The following HHIPL1 variants were observed in gnomAD, a reference collection of about 807,000 sequenced individuals.
The protein encoded by HHIPL1 is HHIP like 1.
A neutral mutation model predicts 61.8 loss-of-function variants in HHIPL1; 43 were observed. The observed-to-expected ratio is 0.70, with a 90% CI of 0.55 to 0.90. HHIPL1 has a LOEUF of 0.90. Ranked by LOEUF, HHIPL1 falls within the 40% of genes least tolerant of loss-of-function variation. The pLI is 0.00. For missense variants in HHIPL1, 1,056 were observed against 1,157.7 expected (o/e 0.91, Z 1.28); for synonymous variants, 482 against 515.8 (o/e 0.93, Z 0.89).
chr14:99,643,996 C>A (rs1432776304), upstream of HHIPL1, among the ~76,000 whole-genome samples: 1 of 152,202 alleles, frequency 6.6e-6, no homozygotes, highest in Admixed American at 6.5e-5. Flanking sequence ...GCTTCTTAGC[C>A]TCTTTGGCTT....
At chr14:99,622,463 C>T in the HHIPL1 span, among the ~76,000 whole-genome samples, 1 of 152,258 alleles carries the variant, frequency 6.6e-6, no homozygotes, top group Non-Finnish European at 1.5e-5. Flanking sequence ...CAACTGTCAT[C>T]TGTCACATGG....
intron 6 of HHIPL1, among the ~76,000 whole-genome samples, chr14:99,664,643 A>G (rs1370429342): frequency 1.3e-5 from 2 of 152,146 alleles, no homozygotes; most frequent in African/African-American, 4.8e-5. Context: ...TGCTTCTCTA[A>G]TTGTTCCAAC....
the HHIPL1 span, among the ~76,000 whole-genome samples, chr14:99,636,933 G>C: frequency 6.9e-6 from 1 of 144,960 alleles, no homozygotes; most frequent in Admixed American, 7.2e-5. Flanking sequence ...TTGCACCACT[G>C]TACTCCAGCC....
At chr14:99,629,482 T>C in the HHIPL1 span, among the ~76,000 whole-genome samples, 1 of 149,930 alleles carries the variant, frequency 6.7e-6, no homozygotes, top group Non-Finnish European at 1.5e-5. Flanking sequence ...GGGACCCGTG[T>C]TCACTGAATT....
the HHIPL1 span, among the ~76,000 whole-genome samples, chr14:99,638,264 T>C: frequency 6.6e-6 from 1 of 151,954 alleles, no homozygotes; most frequent in South Asian, 2.1e-4. Context: ...CAGCTAAGAG[T>C]GGCGGAGGAG....
chr14:99,628,382 C>T, the HHIPL1 span, among the ~76,000 whole-genome samples: 1 of 152,074 alleles, frequency 6.6e-6, no homozygotes, highest in Non-Finnish European at 1.5e-5. Context: ...GAGTTCGAGA[C>T]CAGCCTGGCC....
chr14:99,665,642 C>CGTT (rs2056231797), intron 6 of HHIPL1, among the ~76,000 whole-genome samples: 1 of 152,166 alleles, frequency 6.6e-6, no homozygotes, highest in African/African-American at 2.4e-5. Flanking sequence ...ACTGTGTTGC[C>CGTT]TAGGCAGGTG....
chr14:99,624,540 G>A, the HHIPL1 span, among the ~76,000 whole-genome samples: 26 of 152,226 alleles, frequency 1.7e-4, no homozygotes, highest in East Asian at 4.4e-3. Context: ...CCTCTTCTCC[G>A]ACCTTGACAG....
chr14:99,620,505 G>A, the HHIPL1 span, among the ~76,000 whole-genome samples: 1,045 of 152,356 alleles, frequency 6.9e-3, 13 homozygotes, highest in African/African-American at 0.024. Flanking sequence ...TGAGGGGCAC[G>A]AGAAGAGGGG....
chr14:99,666,634 G>T (rs1052761661), intron 6 of HHIPL1, among the ~76,000 whole-genome samples: 4 of 152,208 alleles, frequency 2.6e-5, no homozygotes, highest in African/African-American at 9.6e-5. Context: ...AGGAGACCAG[G>T]GCTGCTCCTG....
Position 99,645,402 on chromosome 14 carries a change from C to A in HHIPL1, c.195C>A (p.Ser65Arg). The A allele has an allele frequency of 7.1e-7, 1 of 1,412,736 alleles. No individual in the cohort carries two copies. Among genetic ancestry groups the A allele is most frequent in the Non-Finnish European group, 9.2e-7 (1 of 1,085,928 alleles). The allele number at this position is 1,412,736 out of a possible 1,614,324, so 87.5% of individuals were successfully genotyped here. A position where few individuals can be genotyped will look rare whatever the true frequency, so the allele number is the denominator to read the frequency against. Residue 65 changes from serine (S) to arginine (R), a missense_variant, in exon 1 of 9, where the codon AGC (serine) becomes AGA (arginine). Ser to Arg is a moderately radical substitution (Grantham distance 110). Transcript: ENST00000330710. ...CCCGCCGCTTCTGGGCCCTGGCGAG[C>A]CGCGTGGACGCCGCCGAGTGGGCCG... ...ELTRRFWALA[S>R]RVDAAEWAAC...
At chr14:99,637,241 A>AAAGC in the HHIPL1 span, among the ~76,000 whole-genome samples, 1 of 149,546 alleles carries the variant, frequency 6.7e-6, no homozygotes, top group Non-Finnish European at 1.5e-5. Flanking sequence ...AGAAAGAAAG[A>AAAGC]AAGAAAGAAA....
intron 1 of HHIPL1, among the ~76,000 whole-genome samples, chr14:99,648,919 C>T (rs991783588): frequency 2.0e-5 from 3 of 152,188 alleles, no homozygotes; most frequent in Non-Finnish European, 4.4e-5. Context: ...ATGGGGGTGG[C>T]AAACTCTGGG....
chr14:99,621,410 G>A, the HHIPL1 span, among the ~76,000 whole-genome samples: 1 of 152,178 alleles, frequency 6.6e-6, no homozygotes, highest in Non-Finnish European at 1.5e-5. Flanking sequence ...GCTGGCGAAG[G>A]CCCTCTCTGA....
intron 3 of HHIPL1, among the ~76,000 whole-genome samples, chr14:99,658,895 A>AT (rs780540256): frequency 3.4e-4 from 51 of 152,060 alleles, no homozygotes; most frequent in Non-Finnish European, 1.9e-4. Flanking sequence ...AATACAAGTC[A>AT]TTTTTTCTAG....
chr14:99,649,952 C>T (rs939224206), intron 1 of HHIPL1, among the ~76,000 whole-genome samples: 1 of 152,236 alleles, frequency 6.6e-6, no homozygotes, highest in Non-Finnish European at 1.5e-5. Context: ...GCACACACGG[C>T]GGCCTGAGGC....
At position 99,677,529 on chromosome 14, in the gene HHIPL1, G is replaced by C. The variant is rs944311051; in HGVS notation, c.*1903G>C. The C allele has an allele frequency of 2.3e-4, 35 of 152,312 alleles. No homozygotes were observed. Among genetic ancestry groups the C allele is most frequent in the African/African-American group, 8.0e-4 (33 of 41,440 alleles). The allele number at this position is 152,312 out of a possible 1,614,324, so 9.4% of individuals were successfully genotyped here. On this transcript the variant is annotated 3_prime_UTR_variant, in exon 9 of 9. Transcript: ENST00000330710. The surrounding 1 kb of genome is among the most constrained non-coding windows in gnomAD (Gnocchi z 4.3). ...TGAGCTCTGACGCCGGGCGTGTTAG[G>C]AGATAGCAGGCCGTTAATGACCATC...
upstream of HHIPL1, among the ~76,000 whole-genome samples, chr14:99,642,383 T>G (rs2055762856): frequency 6.6e-6 from 1 of 152,220 alleles, no homozygotes; most frequent in African/African-American, 2.4e-5. Context: ...GTAACTTCTG[T>G]TTTTCTCTTG....
chr14:99,608,409 C>CATTAGCCCTT, the HHIPL1 span, among the ~76,000 whole-genome samples: 1 of 152,200 alleles, frequency 6.6e-6, no homozygotes, highest in Non-Finnish European at 1.5e-5. Flanking sequence ...GAGGAGGTGT[C>CATTAGCCCTT]ATTAGCCCTT....
Sources: allele counts gnomAD v4.1 joint callset (sites outside exome capture counted in the v4.1 genomes callset), GRCh38; gene constraint gnomAD v4.1.1; non-coding constraint Gnocchi (gnomAD v3.1); transcripts MANE v1.5; gene names NCBI Gene and HGNC (gene_info 2026-07-23, HGNC 2026-07-21).